NALF1: variants seen among roughly 807,000 people sequenced by gnomAD.
NALF1 encodes the protein family with sequence similarity 155 member A.
In NALF1, 3 loss-of-function variants were observed where a neutral mutation model predicts 48.4. The ratio of observed to expected loss-of-function variants is 0.06; its 90% CI spans 0.03 to 0.16. The LOEUF is 0.16. Among genes scored for constraint, NALF1 ranks in the 10% least tolerant of loss-of-function variants. The pLI, the probability that NALF1 is intolerant of heterozygous loss-of-function variation, is 1.00. For missense variants in NALF1, 526 were observed against 571.5 expected (o/e 0.92, Z 0.81); for synonymous variants, 262 against 245.7 (o/e 1.07, Z -0.62).
chr13:107,467,154 A>G (rs1009350500), intron 1 of NALF1, among the ~76,000 whole-genome samples: 1 of 152,114 alleles, frequency 6.6e-6, no homozygotes, highest in African/African-American at 2.4e-5. Context: ...TGAATTCTTG[A>G]TCGACATTTT....
chr13:107,174,588 C>G (rs901307270), intron 2 of NALF1, among the ~76,000 whole-genome samples: 3 of 151,976 alleles, frequency 2.0e-5, no homozygotes, highest in Non-Finnish European at 2.9e-5. Context: ...ATCTCTTGAC[C>G]TCGTGATCCA....
intron 1 of NALF1, among the ~76,000 whole-genome samples, chr13:107,708,711 C>A (rs1406486824): frequency 2.0e-4 from 4 of 19,834 alleles, no homozygotes; most frequent in South Asian, 5.7e-3. Context: ...TATACCTTTT[C>A]TCTTTATTTA....
chr13:107,545,683 C>T (rs549518295), intron 1 of NALF1, among the ~76,000 whole-genome samples: 132 of 152,056 alleles, frequency 8.7e-4, no homozygotes, highest in African/African-American at 2.8e-3. Flanking sequence ...AGACGTACGA[C>T]GCATCCCAAT....
At chr13:107,539,694 T>G (rs138800447) in intron 1 of NALF1, among the ~76,000 whole-genome samples, 78 of 152,290 alleles carry the variant, frequency 5.1e-4, no homozygotes, top group Admixed American at 1.1e-3. Flanking sequence ...ATTAAATGAC[T>G]GTGTTGACAT....
chr13:107,714,983 C>A (rs1486423778), intron 1 of NALF1, among the ~76,000 whole-genome samples: 1 of 150,872 alleles, frequency 6.6e-6, no homozygotes, highest in East Asian at 1.9e-4. Flanking sequence ...TTTTTTTTTG[C>A]ATTTTCTCTC....
chr13:107,821,326 AATG>A (rs1274146710), intron 1 of NALF1, among the ~76,000 whole-genome samples: 1 of 152,198 alleles, frequency 6.6e-6, no homozygotes, highest in Non-Finnish European at 1.5e-5. Context: ...TAGCATCAGT[AATG>A]ATTCCTACAG....
intron 1 of NALF1, among the ~76,000 whole-genome samples, chr13:107,635,491 A>T (rs1879952250): frequency 6.6e-6 from 1 of 152,004 alleles, no homozygotes. Flanking sequence ...GGGAACTACA[A>T]TTCAGGATGA....
chr13:107,255,046 A>G (rs1880784932), intron 1 of NALF1, among the ~76,000 whole-genome samples: 1 of 152,196 alleles, frequency 6.6e-6, no homozygotes, highest in Admixed American at 6.5e-5. Flanking sequence ...CAGGGACTTT[A>G]CAAATACCCC....
intron 1 of NALF1, among the ~76,000 whole-genome samples, chr13:107,267,228 C>A (rs1881059652): frequency 6.6e-6 from 1 of 152,026 alleles, no homozygotes; most frequent in East Asian, 1.9e-4. Flanking sequence ...ATGACAGAAC[C>A]TAGAAATACA....
intron 1 of NALF1, among the ~76,000 whole-genome samples, chr13:107,547,158 TAAC>T (rs1386430768): frequency 2.0e-5 from 3 of 152,176 alleles, no homozygotes; most frequent in African/African-American, 7.2e-5. Context: ...AAAGTACAAA[TAAC>T]AACATTCATT....
chr13:107,469,733 C>CTTTTTTTTTTTTTTTTT (rs61241553), intron 1 of NALF1, among the ~76,000 whole-genome samples: 4 of 79,970 alleles, frequency 5.0e-5, no homozygotes, highest in African/African-American at 1.6e-4. Context: ...AACTGTGTAT[C>CTTTTTTTTTTTTTTTTT]TTTTTTTTTT....
At chr13:107,572,089 A>G (rs773675946) in intron 1 of NALF1, among the ~76,000 whole-genome samples, 4 of 152,196 alleles carry the variant, frequency 2.6e-5, no homozygotes, top group Non-Finnish European at 4.4e-5. Context: ...TCTATAATTC[A>G]CATTAACATG....
chr13:107,351,323 A>G (rs527662385), intron 1 of NALF1, among the ~76,000 whole-genome samples: 3 of 152,302 alleles, frequency 2.0e-5, no homozygotes, highest in Admixed American at 2.0e-4. Flanking sequence ...AGATGAAATC[A>G]CTTTTTTGAA....
At chr13:107,578,108 T>C (rs1003203254) in intron 1 of NALF1, among the ~76,000 whole-genome samples, 11 of 152,218 alleles carry the variant, frequency 7.2e-5, no homozygotes, top group South Asian at 2.1e-4. Flanking sequence ...TTACTCATTG[T>C]GTATCCAATC....
At chr13:107,307,635 T>TA (rs34252962) in intron 1 of NALF1, among the ~76,000 whole-genome samples, 71,361 of 117,288 alleles carry the variant, frequency 0.61, 23,526 homozygotes, top group South Asian at 0.78. Context: ...CCTTTTTTAT[T>TA]AAAAAAAAAA....
Position 107,474,807 on chromosome 13 carries a change from TATA to T in NALF1, c.916-264055_916-264053del, listed in dbSNP as rs564485812. ...AGGTAGACATTTTTGAAATGAAGTG[TATA>T]ATGTCTGTGCCTGGGTTCTTTTGTA... On this transcript the variant is annotated intron_variant, in intron 1 of 2. Coordinates refer to ENST00000375915, the MANE Select transcript of NALF1 (RefSeq NM_001080396.3). Among the ~76,000 whole-genome samples, 252 of 152,286 alleles carry T rather than the reference TATA, an allele frequency of 1.7e-3. 1 individual carries two copies. Among genetic ancestry groups the T allele is most frequent in the African/African-American group, 5.4e-3 (223 of 41,566 alleles).
chr13:107,180,593 G>A (rs1417490869), intron 2 of NALF1, among the ~76,000 whole-genome samples: 1 of 151,724 alleles, frequency 6.6e-6, no homozygotes, highest in East Asian at 1.9e-4. Context: ...ACTGCAATTT[G>A]TTTTCTCAAT....
chr13:107,450,516 A>G (rs1046227901), intron 1 of NALF1, among the ~76,000 whole-genome samples: 5 of 152,154 alleles, frequency 3.3e-5, no homozygotes, highest in Admixed American at 3.3e-4. Context: ...GCGCAGGAAT[A>G]AGATGTGAAA....
At chr13:107,724,223 A>C (rs1876079499) in intron 1 of NALF1, among the ~76,000 whole-genome samples, 1 of 152,098 alleles carries the variant, frequency 6.6e-6, no homozygotes, top group Non-Finnish European at 1.5e-5. Flanking sequence ...TGCTTTTGTC[A>C]AGGTTTCAAA....
Sources: gnomAD v4.1 joint callset for allele counts (sites outside exome capture counted in the v4.1 genomes callset) on GRCh38, gnomAD v4.1.1 for gene constraint, MANE v1.5 for transcripts, NCBI Gene and HGNC (gene_info 2026-07-23, HGNC 2026-07-21) for gene names.